The following NCK2 variants were observed in gnomAD, a reference collection of about 807,000 sequenced individuals.
NCK2 encodes NCK adaptor protein 2.
NCK2 carries 16 observed loss-of-function variants against 33.9 expected under a neutral mutation model. The ratio of observed to expected loss-of-function variants is 0.47; its 90% CI spans 0.32 to 0.72. NCK2 has a LOEUF of 0.72. Ranked by LOEUF, NCK2 falls within the 30% of genes least tolerant of loss-of-function variation. The pLI, the probability that NCK2 is intolerant of heterozygous loss-of-function variation, is 0.03. For synonymous variants in NCK2, 273 were observed against 239.9 expected, an observed-to-expected ratio of 1.14 and a Z score of -1.27; for missense variants, 418 against 537.3, an observed-to-expected ratio of 0.78 and a Z score of 2.19.
Position 105,819,790 on chromosome 2 carries a change from C to T in NCK2, c.-17+3177C>T, listed in dbSNP as rs189136837. Among the ~76,000 whole-genome samples the T allele has an allele frequency of 1.3e-4, 20 of 152,264 alleles. No individual in the cohort carries two copies. In the East Asian group the frequency reaches 3.7e-3, roughly 28 times the overall value. On this transcript the variant is annotated intron_variant, in intron 2 of 4. Coordinates refer to ENST00000233154, the MANE Select transcript of NCK2 (RefSeq NM_003581.5). ...ACCTTGATTCACCTATTAAAATTTA[C>T]TTTTGTGGTTTAGAAAAATGTTCAT... is the stretch of plus-strand genomic sequence containing the variant.
At chr2:105,790,979 C>T (rs1385259797) in intron 1 of NCK2, among the ~76,000 whole-genome samples, 2 of 152,138 alleles carry the variant, frequency 1.3e-5, no homozygotes, top group Admixed American at 6.5e-5. Flanking sequence ...GAGTGCTCCT[C>T]GTGTTAGAAC....
chr2:105,818,077 A>C (rs1217032589), intron 2 of NCK2, among the ~76,000 whole-genome samples: 1 of 152,018 alleles, frequency 6.6e-6, no homozygotes, highest in Non-Finnish European at 1.5e-5. Flanking sequence ...GCACATATAC[A>C]CCATGAAATA....
intron 2 of NCK2, among the ~76,000 whole-genome samples, chr2:105,823,147 TGTGTGTGTG>T (rs1675811106): frequency 2.7e-5 from 2 of 73,504 alleles, no homozygotes; most frequent in Non-Finnish European, 7.0e-5. Flanking sequence ...TGTGTGTGTG[TGTGTGTGTG>T]TGTGTGTGTG....
At chr2:105,864,956 T>C (rs1677689573) in intron 3 of NCK2, among the ~76,000 whole-genome samples, 1 of 151,642 alleles carries the variant, frequency 6.6e-6, no homozygotes, top group Admixed American at 6.6e-5. Flanking sequence ...AATAACACCA[T>C]CCAAATAACA....
chr2:105,814,470 G>A (rs1264983212), intron 1 of NCK2, among the ~76,000 whole-genome samples: 1 of 152,174 alleles, frequency 6.6e-6, no homozygotes, highest in Non-Finnish European at 1.5e-5. Flanking sequence ...TGGAGAGGCC[G>A]TGTTCTGACT....
intron 1 of NCK2, among the ~76,000 whole-genome samples, chr2:105,757,251 T>A (rs1035243279): frequency 2.6e-5 from 4 of 152,210 alleles, no homozygotes; most frequent in African/African-American, 9.7e-5. Context: ...GACCTCTGTT[T>A]TGTCTTCTGT....
intron 1 of NCK2, among the ~76,000 whole-genome samples, chr2:105,794,685 T>C (rs1691012335): frequency 7.3e-6 from 1 of 137,632 alleles, no homozygotes; most frequent in Non-Finnish European, 1.5e-5. Flanking sequence ...AAAAAGTTAA[T>C]AGTTTATTAT....
intron 1 of NCK2, among the ~76,000 whole-genome samples, chr2:105,811,251 A>G (rs1425235757): frequency 6.6e-6 from 1 of 152,038 alleles, no homozygotes; most frequent in African/African-American, 2.4e-5. Flanking sequence ...AATTTTTGAT[A>G]ATGTCCATTC....
chr2:105,836,538 T>C (rs1157666433), intron 2 of NCK2, among the ~76,000 whole-genome samples: 1 of 152,092 alleles, frequency 6.6e-6, no homozygotes, highest in Admixed American at 6.5e-5. Flanking sequence ...GGAGCAAAGT[T>C]GTTGGTGGAG....
At position 105,795,468 on chromosome 2, in the gene NCK2, A is replaced by G. The variant is rs190004915; in HGVS notation, c.-200-20962A>G. Among the ~76,000 whole-genome samples, 8 of 152,356 alleles carry G rather than the reference A, an allele frequency of 5.3e-5. No homozygotes were observed. In the East Asian group the frequency reaches 1.3e-3, roughly 26 times the overall value. On this transcript the variant is annotated intron_variant, in intron 1 of 4. Coordinates refer to ENST00000233154, the MANE Select transcript of NCK2 (RefSeq NM_003581.5). Reference sequence around the variant, plus strand: ...TATTTTGAAACGGGTAATTATAAAAACTGCTGCATAAATATTTGAGTCATA... The same window carrying G: ...TATTTTGAAACGGGTAATTATAAAAGCTGCTGCATAAATATTTGAGTCATA...
At chr2:105,855,003 T>C in intron 2 of NCK2, 45 bp from the exon 3 acceptor site, 3 of 1,448,664 alleles carry the variant, frequency 2.1e-6, no homozygotes, top group Non-Finnish European at 2.9e-6. Flanking sequence ...GGATGAAGTG[T>C]CCGGGTAGTT....
intron 2 of NCK2, among the ~76,000 whole-genome samples, chr2:105,817,043 G>A (rs1675517652): frequency 6.6e-6 from 1 of 152,090 alleles, no homozygotes; most frequent in African/African-American, 2.4e-5. Context: ...GGGCATGGTG[G>A]CGTGCACATG....
chr2:105,875,982 A>G (rs1678221163), intron 3 of NCK2, among the ~76,000 whole-genome samples: 1 of 151,928 alleles, frequency 6.6e-6, no homozygotes, highest in Admixed American at 6.6e-5. Context: ...AGTTACTTTC[A>G]TTCTTTCATT....
intron 4 of NCK2, among the ~76,000 whole-genome samples, chr2:105,890,597 G>A (rs1215844836): frequency 2.6e-5 from 4 of 152,170 alleles, no homozygotes; most frequent in East Asian, 3.9e-4. Flanking sequence ...GGGGCTTTTC[G>A]CCTCAAAGGT....
intron 1 of NCK2, among the ~76,000 whole-genome samples, chr2:105,794,870 C>T (rs114115044): frequency 0.019 from 2,897 of 152,158 alleles, 52 homozygotes; most frequent in Non-Finnish European, 0.022. Context: ...CGCATGGTTC[C>T]GCAGCCAAAG....
chr2:105,848,903 C>T (rs747259951), intron 2 of NCK2, among the ~76,000 whole-genome samples: 5 of 152,138 alleles, frequency 3.3e-5, no homozygotes, highest in Non-Finnish European at 5.9e-5. Flanking sequence ...GTAGGGATGA[C>T]AGTATTTTTC....
chr2:105,882,103 G>A (rs2104663814), intron 4 of NCK2, 54 bp downstream of exon 4: 4 of 1,455,246 alleles, frequency 2.7e-6, no homozygotes, highest in Non-Finnish European at 3.6e-6. Context: ...CGCCTTGCGC[G>A]GTGGGTCTGT....
chr2:105,784,110 C>T (rs1178447662), intron 1 of NCK2, among the ~76,000 whole-genome samples: 2 of 152,138 alleles, frequency 1.3e-5, no homozygotes, highest in Non-Finnish European at 2.9e-5. Context: ...TCACTGGGAG[C>T]TTTTCTTTTT....
chr2:105,820,988 AAGC>A (rs1406896906), intron 2 of NCK2, among the ~76,000 whole-genome samples: 1 of 152,210 alleles, frequency 6.6e-6, no homozygotes. Flanking sequence ...TTTGTGATAG[AAGC>A]AGCAGCAGCT....
Sources: gnomAD v4.1 joint callset for allele counts (sites outside exome capture counted in the v4.1 genomes callset) on GRCh38, gnomAD v4.1.1 for gene constraint, MANE v1.5 for transcripts, NCBI Gene and HGNC (gene_info 2026-07-23, HGNC 2026-07-21) for gene names.